The following TAF4B variants were observed in gnomAD, a reference collection of about 807,000 sequenced individuals.
TAF4B encodes the protein TATA-box binding protein associated factor 4b.
TAF4B carries 38 observed loss-of-function variants against 86.4 expected under a neutral mutation model. The ratio of observed to expected loss-of-function variants is 0.44; its 90% CI spans 0.34 to 0.58. TAF4B has a LOEUF of 0.58. TAF4B is among the 20% of genes least tolerant of loss of function. The pLI, the probability that TAF4B is intolerant of heterozygous loss-of-function variation, is 0.02. For missense variants in TAF4B, 988 were observed against 1,027.6 expected (o/e 0.96, Z 0.53); for synonymous variants, 388 against 391.2 (o/e 0.99, Z 0.10).
At chr18:26,302,852 T>G (rs1375668742) in intron 9 of TAF4B, among the ~76,000 whole-genome samples, 2 of 150,936 alleles carry the variant, frequency 1.3e-5, no homozygotes, top group Non-Finnish European at 3.0e-5. Flanking sequence ...GGATCTTCTC[T>G]TTTTTTTAAT....
chr18:26,242,296 T>C (rs1410602107), intron 1 of TAF4B, among the ~76,000 whole-genome samples: 1 of 152,212 alleles, frequency 6.6e-6, no homozygotes, highest in African/African-American at 2.4e-5. Flanking sequence ...ATATTTAGGA[T>C]AGTTAGCTCT....
At chr18:26,318,725 T>C (rs2056934965) in intron 10 of TAF4B, among the ~76,000 whole-genome samples, 1 of 152,244 alleles carries the variant, frequency 6.6e-6, no homozygotes, top group African/African-American at 2.4e-5. Flanking sequence ...TTTTACTTTG[T>C]AATTTTTAAG....
intron 2 of TAF4B, among the ~76,000 whole-genome samples, chr18:26,266,383 A>G (rs2056239987): frequency 6.6e-6 from 1 of 151,456 alleles, no homozygotes; most frequent in Non-Finnish European, 1.5e-5. Flanking sequence ...AAGTGCTGGG[A>G]TTACAGGCTG....
chr18:26,304,300 A>G (rs1265670163), intron 9 of TAF4B, among the ~76,000 whole-genome samples: 1 of 152,094 alleles, frequency 6.6e-6, no homozygotes, highest in African/African-American at 2.4e-5. Flanking sequence ...ACAGTAATAC[A>G]TTTGGAATTC....
At chr18:26,261,019 C>T (rs1207883221) in intron 1 of TAF4B, among the ~76,000 whole-genome samples, 1 of 152,060 alleles carries the variant, frequency 6.6e-6, no homozygotes, top group Non-Finnish European at 1.5e-5. Flanking sequence ...TGTAGCAACT[C>T]TTAATACTGG....
rs946191416 is a variant in TAF4B at position 26,349,280 on chromosome 18, A to G, written c.2317-8410A>G. 2.0e-5 allele frequency among the ~76,000 whole-genome samples: 3 copies of G among 152,104 alleles called. No homozygotes were observed. The East Asian group carries it at 5.8e-4, about 29-fold the overall frequency. On this transcript the variant is annotated intron_variant, in intron 13 of 14. Transcript: ENST00000269142. ...GTTCCTTCTTCTTTCCCCTTCCGAA[A>G]GTCCCCAGTGTCTATTGTTGCCGTC... is the stretch of plus-strand genomic sequence containing the variant.
intron 12 of TAF4B, among the ~76,000 whole-genome samples, chr18:26,328,646 A>G (rs550609136): frequency 2.0e-5 from 3 of 151,838 alleles, no homozygotes; most frequent in South Asian, 2.1e-4. Flanking sequence ...TTTTTGAGCA[A>G]TCTCTCTCTG....
In TAF4B at chr18:26,235,260, C is replaced by G. The variant is rs575660353; in HGVS notation, c.343+7984C>G. ...TTAGCATATAGAGTGGCCTGGCCAT[C>G]TTGCTGTAGCCAGAGATCCATAGTT... is the stretch of plus-strand genomic sequence containing the variant. On this transcript the variant is annotated intron_variant, in intron 1 of 14. Coordinates refer to ENST00000269142, the MANE Select transcript of TAF4B (RefSeq NM_005640.3). 3.3e-5 allele frequency among the ~76,000 whole-genome samples: 5 copies of G among 152,204 alleles called. No individual in the cohort carries two copies. In the East Asian group the frequency reaches 7.7e-4, roughly 24 times the overall value.
chr18:26,257,842 CGTGTGTGTGT>C (rs57275139), intron 1 of TAF4B, among the ~76,000 whole-genome samples: 3,718 of 141,498 alleles, frequency 0.026, 129 homozygotes, highest in African/African-American at 0.085. Context: ...CCTCTGCGTG[CGTGTGTGTGT>C]GTGTGTGTGT....
At position 26,390,933 on chromosome 18, in the gene TAF4B, A is replaced by ATG. The variant is rs1283651361; in HGVS notation, c.*923_*924dup. The ATG allele has an allele frequency of 6.6e-6, 1 of 152,172 alleles. No homozygotes were observed. The highest frequency in any genetic ancestry group is 2.4e-5 in the African/African-American group (1 of 41,420). The allele number at this position is 152,172 out of a possible 1,614,324, so 9.4% of individuals were successfully genotyped here. A position where few individuals can be genotyped will look rare whatever the true frequency, so the allele number is the denominator to read the frequency against. ...CAAATTAGAGTATTTCAAAAGGAAAATGTTATTTTTTGTTTTGTATTGTTT... is the reference window on the plus strand; with the variant it reads ...CAAATTAGAGTATTTCAAAAGGAAAATGTGTTATTTTTTGTTTTGTATTGTTT... On this transcript the variant is annotated 3_prime_UTR_variant, in exon 15 of 15. Coordinates refer to ENST00000269142, the MANE Select transcript of TAF4B (RefSeq NM_005640.3).
chr18:26,262,536 G>A (rs1264066245), intron 1 of TAF4B, among the ~76,000 whole-genome samples: 3 of 150,462 alleles, frequency 2.0e-5, no homozygotes, highest in South Asian at 4.2e-4. Flanking sequence ...GTGCAGTGAC[G>A]CGATCTCGGC....
At chr18:26,365,251 CCCT>C (rs1258576857) in intron 14 of TAF4B, among the ~76,000 whole-genome samples, 4 of 152,108 alleles carry the variant, frequency 2.6e-5, no homozygotes, top group Non-Finnish European at 5.9e-5. Flanking sequence ...AGGTGATCTG[CCCT>C]CCTCAGCCTC....
At chr18:26,379,688 T>TA (rs2057465152) in intron 14 of TAF4B, among the ~76,000 whole-genome samples, 1 of 152,126 alleles carries the variant, frequency 6.6e-6, no homozygotes, top group African/African-American at 2.4e-5. Flanking sequence ...TGTATCTTCA[T>TA]ATGAATTTTT....
At chr18:26,248,042 ATTT>A (rs750349158) in intron 1 of TAF4B, among the ~76,000 whole-genome samples, 1 of 83,550 alleles carries the variant, frequency 1.2e-5, no homozygotes, top group Non-Finnish European at 2.4e-5. Context: ...TGCCCAGCTA[ATTT>A]TTTTTTTTTT....
chr18:26,246,697 C>A (rs2055930700), intron 1 of TAF4B, among the ~76,000 whole-genome samples: 1 of 151,534 alleles, frequency 6.6e-6, no homozygotes, highest in African/African-American at 2.4e-5. Context: ...CCACACCTGG[C>A]TAATTTTTTA....
chr18:26,381,552 C>A (rs1472279981), intron 14 of TAF4B, among the ~76,000 whole-genome samples: 7 of 151,710 alleles, frequency 4.6e-5, no homozygotes, highest in Non-Finnish European at 8.8e-5. Flanking sequence ...CATGGAGAAA[C>A]CCCATCTCTA....
chr18:26,370,353 T>C (rs2057398250), intron 14 of TAF4B, among the ~76,000 whole-genome samples: 1 of 152,208 alleles, frequency 6.6e-6, no homozygotes, highest in South Asian at 2.1e-4. Context: ...ACAACATTTA[T>C]TGGGAAAGAG....
chr18:26,236,349 C>T (rs1044908530), intron 1 of TAF4B, among the ~76,000 whole-genome samples: 2 of 152,140 alleles, frequency 1.3e-5, no homozygotes, highest in African/African-American at 4.8e-5. Context: ...AGGAGATTAA[C>T]ACTGAGAAGG....
chr18:26,343,580 G>A (rs548287637), intron 13 of TAF4B, among the ~76,000 whole-genome samples: 8 of 152,268 alleles, frequency 5.3e-5, no homozygotes. Context: ...TAAAACAAAG[G>A]TATTAACATT....
Sources: allele counts gnomAD v4.1 joint callset (sites outside exome capture counted in the v4.1 genomes callset), GRCh38; gene constraint gnomAD v4.1.1; transcripts MANE v1.5; gene names NCBI Gene and HGNC (gene_info 2026-07-23, HGNC 2026-07-21).